Variants in CCDC178 observed in about 807,000 individuals in gnomAD.
CCDC178 encodes the protein coiled-coil domain-containing protein 178.
A neutral mutation model predicts 117.4 loss-of-function variants in CCDC178; 126 were observed. That is an observed-to-expected ratio of 1.07 (90% CI 0.93 to 1.24). CCDC178 has a LOEUF of 1.24. Among genes scored for constraint, CCDC178 ranks in the 50% most tolerant of loss-of-function variants. The pLI is 0.00. For synonymous variants in CCDC178, 283 were observed against 313.4 expected (o/e 0.90, Z 1.02); for missense variants, 1,030 against 986.9 (o/e 1.04, Z -0.59).
intron 21 of CCDC178, among the ~76,000 whole-genome samples, chr18:33,068,691 T>C (rs1369560312): frequency 6.6e-6 from 1 of 152,150 alleles, no homozygotes; most frequent in African/African-American, 2.4e-5. Context: ...AGACCATATA[T>C]GACAAACCTA....
At chr18:33,326,011 T>C (rs1273557109) in intron 10 of CCDC178, among the ~76,000 whole-genome samples, 1 of 152,204 alleles carries the variant, frequency 6.6e-6, no homozygotes, top group African/African-American at 2.4e-5. Flanking sequence ...CCCCTTCCTA[T>C]TTTAAAAGAT....
chr18:33,347,705 T>C (rs1021777963), intron 8 of CCDC178, among the ~76,000 whole-genome samples: 4 of 151,996 alleles, frequency 2.6e-5, no homozygotes, highest in African/African-American at 9.7e-5. Flanking sequence ...CCACTTATAA[T>C]TAAAATACTT....
At chr18:33,402,318 A>T (rs2063719413) in intron 3 of CCDC178, among the ~76,000 whole-genome samples, 1 of 152,262 alleles carries the variant, frequency 6.6e-6, no homozygotes. Context: ...CAACTATTCA[A>T]GAAAAACAGA....
chr18:33,288,618 A>G lies in CCDC178; in HGVS notation c.1176+4541T>C, dbSNP rs1181524467. ...CCTGCCCTTAAAAACCTTAAGAAGT[A>G]GACAACTAATCACTAATTTCAACAC... On this transcript the variant is annotated intron_variant, in intron 12 of 22. Coordinates refer to ENST00000383096, the MANE Select transcript of CCDC178 (RefSeq NM_001105528.4). Among the ~76,000 whole-genome samples the G allele has an allele frequency of 2.0e-5, 3 of 151,914 alleles. No homozygotes were observed. In the East Asian group the frequency reaches 5.8e-4, roughly 30 times the overall value.
intron 21 of CCDC178, among the ~76,000 whole-genome samples, chr18:33,020,246 G>A (rs1055942186): frequency 1.3e-5 from 2 of 150,990 alleles, no homozygotes; most frequent in Non-Finnish European, 3.0e-5. Context: ...ATGCCTGGCC[G>A]ATATCTCACT....
chr18:33,068,210 T>C (rs981207676), intron 21 of CCDC178, among the ~76,000 whole-genome samples: 2 of 152,288 alleles, frequency 1.3e-5, no homozygotes, highest in Admixed American at 6.5e-5. Context: ...CAGGACCAGA[T>C]GGCTTTATTG....
At chr18:33,179,228 G>T (rs1039046715) in intron 20 of CCDC178, among the ~76,000 whole-genome samples, 1 of 147,058 alleles carries the variant, frequency 6.8e-6, no homozygotes, top group African/African-American at 2.5e-5. Flanking sequence ...GAAAAAATGT[G>T]TATAAAATTA....
chr18:33,416,309 C>A (rs2063940299), intron 2 of CCDC178, among the ~76,000 whole-genome samples: 1 of 152,058 alleles, frequency 6.6e-6, no homozygotes, highest in Admixed American at 6.6e-5. Flanking sequence ...CGCCTATAGT[C>A]CCAGCTGCTC....
At chr18:32,947,525 T>G (rs1415085030) in intron 22 of CCDC178, among the ~76,000 whole-genome samples, 1 of 152,216 alleles carries the variant, frequency 6.6e-6, no homozygotes, top group East Asian at 1.9e-4. Context: ...TCTATTCAAA[T>G]CTTTTGCCCT....
chr18:33,130,597 T>C (rs1478938427), intron 20 of CCDC178, among the ~76,000 whole-genome samples: 5 of 152,012 alleles, frequency 3.3e-5, no homozygotes, highest in African/African-American at 1.2e-4. Flanking sequence ...AAACACACTG[T>C]GCAGTGCTGC....
At chr18:32,979,196 G>A (rs567085550) in intron 21 of CCDC178, among the ~76,000 whole-genome samples, 1 of 151,416 alleles carries the variant, frequency 6.6e-6, no homozygotes, top group South Asian at 2.1e-4. Flanking sequence ...TTACTTTGTC[G>A]CCCAGGCTGG....
chr18:32,988,714 A>G (rs1431277858), intron 21 of CCDC178, among the ~76,000 whole-genome samples: 2 of 152,054 alleles, frequency 1.3e-5, no homozygotes, highest in Non-Finnish European at 2.9e-5. Flanking sequence ...GGAAAGACCA[A>G]TAAACTATGC....
At chr18:33,345,604 A>C (rs2062880788) in intron 9 of CCDC178, among the ~76,000 whole-genome samples, 1 of 152,204 alleles carries the variant, frequency 6.6e-6, no homozygotes, top group Non-Finnish European at 1.5e-5. Flanking sequence ...ACCAACTGGC[A>C]ATCACTTTAA....
At chr18:33,371,883 A>G (rs1036073215) in intron 5 of CCDC178, among the ~76,000 whole-genome samples, 4 of 151,676 alleles carry the variant, frequency 2.6e-5, no homozygotes, top group African/African-American at 7.3e-5. Context: ...CTCCTATCCA[A>G]ATATCTTGAT....
rs746505005 is a variant in CCDC178 at position 33,091,324 on chromosome 18, C to CTTTTTTTTTTTTTTTTTTTTTTTTT, written c.2388+1412_2388+1436dup. On this transcript the variant is annotated intron_variant, in intron 21 of 22. Coordinates refer to ENST00000383096, the MANE Select transcript of CCDC178 (RefSeq NM_001105528.4). Reference sequence around the variant, plus strand: ...CTTTCCCAAACACACTTATTTCATTCTTTTTTTTTTTTTTTTTTTTTTTTT... The same window carrying CTTTTTTTTTTTTTTTTTTTTTTTTT: ...CTTTCCCAAACACACTTATTTCATTCTTTTTTTTTTTTTTTTTTTTTTTTTTTTTTTTTTTTTTTTTTTTTTTTTT... Among the ~76,000 whole-genome samples the CTTTTTTTTTTTTTTTTTTTTTTTTT allele has an allele frequency of 3.2e-4, 14 of 43,898 alleles. 6 individuals carry two copies. Among genetic ancestry groups the CTTTTTTTTTTTTTTTTTTTTTTTTT allele is most frequent in the Non-Finnish European group, 4.5e-4 (11 of 24,582 alleles). 28.8% of individuals were successfully genotyped at this position (43,898 alleles called of 152,430 possible). A position where few individuals can be genotyped will look rare whatever the true frequency, so the allele number is the denominator to read the frequency against.
At chr18:33,401,926 G>A (rs1203563033) in intron 3 of CCDC178, among the ~76,000 whole-genome samples, 1 of 152,066 alleles carries the variant, frequency 6.6e-6, no homozygotes, top group Non-Finnish European at 1.5e-5. Context: ...TAATAAAAAT[G>A]TAAAGTAGAG....
chr18:32,966,033 C>A (rs1014786470), intron 22 of CCDC178, among the ~76,000 whole-genome samples: 1 of 150,038 alleles, frequency 6.7e-6, no homozygotes, highest in African/African-American at 2.4e-5. Flanking sequence ...AAATTTATTA[C>A]CCTCAGTGTA....
At chr18:32,963,962 T>C (rs1598737112) in intron 22 of CCDC178, among the ~76,000 whole-genome samples, 2 of 152,196 alleles carry the variant, frequency 1.3e-5, no homozygotes, top group East Asian at 3.9e-4. Context: ...ATTATGTTGG[T>C]AATCAATAAG....
chr18:33,128,676 T>C (rs1360010045), intron 20 of CCDC178, among the ~76,000 whole-genome samples: 1 of 152,174 alleles, frequency 6.6e-6, no homozygotes, highest in Non-Finnish European at 1.5e-5. Context: ...ATGACTGTGA[T>C]TGAATTGAAG....
Sources: gnomAD v4.1 joint callset for allele counts (sites outside exome capture counted in the v4.1 genomes callset) on GRCh38, gnomAD v4.1.1 for gene constraint, MANE v1.5 for transcripts, NCBI Gene and HGNC (gene_info 2026-07-23, HGNC 2026-07-21) for gene names.